BANK1: variants seen among roughly 807,000 people sequenced by gnomAD.
BANK1 encodes the protein B-cell scaffold protein with ankyrin repeats.
BANK1 carries 95 observed loss-of-function variants against 94.5 expected under a neutral mutation model. That is an observed-to-expected ratio of 1.00 (90% confidence interval 0.85 to 1.19). BANK1 has a LOEUF of 1.19. BANK1 is among the 50% of genes most tolerant of loss of function. BANK1 has a pLI of 0.00. For missense variants in BANK1, 987 were observed against 932.2 expected, an observed-to-expected ratio of 1.06 and a Z score of -0.77; for synonymous variants, 334 against 308.4, an observed-to-expected ratio of 1.08 and a Z score of -0.87.
At chr4:101,922,082 A>G (rs1014732635) in intron 7 of BANK1, among the ~76,000 whole-genome samples, 1 of 149,116 alleles carries the variant, frequency 6.7e-6, no homozygotes, top group Non-Finnish European at 1.5e-5. Flanking sequence ...GTTGCCCTCC[A>G]GTATCTGACT....
chr4:102,072,902 CCAAGA>C (rs1485416092), intron 15 of BANK1, among the ~76,000 whole-genome samples: 1 of 152,052 alleles, frequency 6.6e-6, no homozygotes, highest in African/African-American at 2.4e-5. Flanking sequence ...CAAGACCAAT[CCAAGA>C]CAACACTGAT....
At chr4:101,828,605 G>A (rs1477386119) in intron 1 of BANK1, among the ~76,000 whole-genome samples, 1 of 151,684 alleles carries the variant, frequency 6.6e-6, no homozygotes, top group Non-Finnish European at 1.5e-5. Flanking sequence ...TCAATATTAT[G>A]TCTTTCGATT....
chr4:101,878,583 AATCTGCACT>A (rs2148884460), intron 5 of BANK1, among the ~76,000 whole-genome samples: 1 of 152,300 alleles, frequency 6.6e-6, no homozygotes, highest in Admixed American at 6.5e-5. Context: ...CATTGGACTT[AATCTGCACT>A]ATACCAAATG....
chr4:101,801,523 A>T (rs1353744278), intron 1 of BANK1, among the ~76,000 whole-genome samples: 2 of 152,236 alleles, frequency 1.3e-5, no homozygotes, highest in African/African-American at 4.8e-5. Flanking sequence ...TTACTCTCAT[A>T]AAAATGTGAG....
chr4:101,899,790 C>T (rs1012182600), intron 6 of BANK1, among the ~76,000 whole-genome samples: 6 of 152,136 alleles, frequency 3.9e-5, no homozygotes, highest in African/African-American at 1.4e-4. Flanking sequence ...AATCACTCCC[C>T]AGACAAGGAA....
chr4:102,021,626 T>C (rs748136080), intron 8 of BANK1, 34 bp downstream of exon 8: 23 of 786,688 alleles, frequency 2.9e-5, no homozygotes, highest in Non-Finnish European at 4.3e-5. Context: ...ATATATGACA[T>C]ATTCATATAT....
chr4:102,030,442 A>G (rs763383157), intron 10 of BANK1, among the ~76,000 whole-genome samples, 177 bp downstream of exon 10: 13 of 151,188 alleles, frequency 8.6e-5, no homozygotes, highest in Non-Finnish European at 1.6e-4. Flanking sequence ...GTATTTTTTT[A>G]TTATTATTAT....
chr4:101,790,749 C>T lies in BANK1; in HGVS notation c.-132C>T, dbSNP rs1724947198. Reference sequence around the variant, plus strand: ...TTTCCTGAGACCTGGCCGCAGCCTCCGCGGGTGGCAAGCGGGCTGGGGAGA... The same window carrying T: ...TTTCCTGAGACCTGGCCGCAGCCTCTGCGGGTGGCAAGCGGGCTGGGGAGA... On this transcript the variant is annotated 5_prime_UTR_variant, in exon 1 of 17. Coordinates refer to ENST00000322953, the MANE Select transcript of BANK1 (RefSeq NM_017935.5). 4.0e-6 allele frequency: 4 copies of T among 1,005,182 alleles called. No individual in the cohort carries two copies. The highest frequency in any genetic ancestry group is 4.5e-6 in the Non-Finnish European group (3 of 672,656). 62.3% of individuals were successfully genotyped at this position (1,005,182 alleles called of 1,614,324 possible). A position where few individuals can be genotyped will look rare whatever the true frequency, so the allele number is the denominator to read the frequency against.
At chr4:102,033,540 A>C (rs915848071) in intron 10 of BANK1, among the ~76,000 whole-genome samples, 17 of 152,274 alleles carry the variant, frequency 1.1e-4, no homozygotes. Flanking sequence ...TTGTACATGC[A>C]ATGTTGCAAT....
chr4:101,941,956 T>C (rs1368838832), intron 7 of BANK1, among the ~76,000 whole-genome samples: 1 of 151,770 alleles, frequency 6.6e-6, no homozygotes, highest in Non-Finnish European at 1.5e-5. Context: ...ACCATGAAAA[T>C]AGAACAGTAG....
intron 11 of BANK1, among the ~76,000 whole-genome samples, chr4:102,046,996 T>G (rs1357842330): frequency 1.3e-5 from 2 of 152,116 alleles, no homozygotes; most frequent in East Asian, 3.8e-4. Flanking sequence ...GGTAAATTGT[T>G]GAAAGAGACA....
intron 5 of BANK1, among the ~76,000 whole-genome samples, chr4:101,871,228 G>A (rs942125719): frequency 9.9e-5 from 15 of 152,048 alleles, no homozygotes; most frequent in African/African-American, 3.4e-4. Flanking sequence ...CAAATTTTCA[G>A]AGTGAAATGC....
At chr4:101,820,632 C>T (rs1049604773) in intron 1 of BANK1, among the ~76,000 whole-genome samples, 1 of 152,168 alleles carries the variant, frequency 6.6e-6, no homozygotes, top group Non-Finnish European at 1.5e-5. Context: ...TCCCACCCTC[C>T]ACCTTCAAGC....
chr4:101,966,700 G>A (rs1375245909), intron 7 of BANK1, among the ~76,000 whole-genome samples: 1 of 152,022 alleles, frequency 6.6e-6, no homozygotes, highest in African/African-American at 2.4e-5. Flanking sequence ...TGGCTCCCAA[G>A]TGAGAATAAA....
chr4:101,996,009 G>A (rs932032001), intron 7 of BANK1, among the ~76,000 whole-genome samples: 5 of 152,092 alleles, frequency 3.3e-5, no homozygotes, highest in South Asian at 2.1e-4. Context: ...TTTTAGTCAC[G>A]AAGTCTTTGC....
At chr4:102,015,409 A>G (rs1245774984) in intron 7 of BANK1, among the ~76,000 whole-genome samples, 3 of 152,166 alleles carry the variant, frequency 2.0e-5, no homozygotes, top group Non-Finnish European at 4.4e-5. Context: ...GGTAAATACC[A>G]TGACTTCATA....
chr4:101,947,322 T>TGTA (rs1578414544), intron 7 of BANK1, among the ~76,000 whole-genome samples: 5 of 141,418 alleles, frequency 3.5e-5, no homozygotes, highest in Admixed American at 7.1e-5. Context: ...TGTATATGTA[T>TGTA]TATGTATTAT....
chr4:101,896,610 G>A (rs1722088546), intron 6 of BANK1, among the ~76,000 whole-genome samples: 1 of 151,738 alleles, frequency 6.6e-6, no homozygotes, highest in Admixed American at 6.6e-5. Flanking sequence ...TTAACAATAT[G>A]TAATTCACTT....
intron 7 of BANK1, among the ~76,000 whole-genome samples, chr4:102,001,793 C>A (rs1476538995): frequency 6.6e-6 from 1 of 152,080 alleles, no homozygotes; most frequent in Non-Finnish European, 1.5e-5. Context: ...AAATAGGAGC[C>A]AGCAGGGACA....
Sources: gnomAD v4.1 joint callset for allele counts (sites outside exome capture counted in the v4.1 genomes callset) on GRCh38, gnomAD v4.1.1 for gene constraint, MANE v1.5 for transcripts, NCBI Gene and HGNC (gene_info 2026-07-23, HGNC 2026-07-21) for gene names.